RFX3: variants seen among roughly 807,000 people sequenced by gnomAD.
The protein encoded by RFX3 is transcription factor RFX3.
Under a neutral mutation model 98.6 loss-of-function variants are expected in RFX3, and 14 were observed. The ratio of observed to expected loss-of-function variants is 0.14; its 90% CI spans 0.09 to 0.22. The LOEUF is 0.22. Ranked by LOEUF, RFX3 falls within the 10% of genes least tolerant of loss-of-function variation. The probability of loss-of-function intolerance (pLI) is 1.00; values close to 1 mark genes in which losing one functional copy is unlikely to be tolerated. For synonymous variants in RFX3, 383 were observed against 328.4 expected (o/e 1.17, Z -1.80); for missense variants, 639 against 926.9 (o/e 0.69, Z 4.03).
chr9:3,394,426 G>A (rs1350557322), intron 2 of RFX3, among the ~76,000 whole-genome samples: 8 of 152,186 alleles, frequency 5.3e-5, no homozygotes, highest in Non-Finnish European at 8.8e-5. Flanking sequence ...TGATGCCACT[G>A]CACTGCAGCC....
chr9:3,515,613 C>G (rs1241167209), intron 1 of RFX3, among the ~76,000 whole-genome samples: 2 of 152,164 alleles, frequency 1.3e-5, no homozygotes, highest in African/African-American at 2.4e-5. Flanking sequence ...TTTTCCTGCC[C>G]TTCTACAGCA....
chr9:3,453,899 C>CT (rs1485994045), intron 1 of RFX3, among the ~76,000 whole-genome samples: 14 of 152,048 alleles, frequency 9.2e-5, no homozygotes, highest in Non-Finnish European at 1.9e-4. Context: ...ATACCCCGGT[C>CT]TTTTTGCTTT....
rs1175143101 is a variant in RFX3 at position 3,505,298 on chromosome 9, A to AT, written c.-9+20448dup. Reference sequence around the variant, plus strand: ...TGAATATATACATTTTTATATTTATATATATATAAATATATATTAATGTAT... The same window carrying AT: ...TGAATATATACATTTTTATATTTATATTATATATAAATATATATTAATGTAT... On this transcript the variant is annotated intron_variant, in intron 1 of 16. Transcript: ENST00000617270. Among the ~76,000 whole-genome samples, 60 of 99,734 alleles carry AT rather than the reference A, an allele frequency of 6.0e-4. 6 individuals carry two copies. Among genetic ancestry groups the AT allele is most frequent in the African/African-American group, 2.3e-3 (50 of 22,024 alleles). 65.4% of individuals were successfully genotyped at this position (99,734 alleles called of 152,430 possible). A position where few individuals can be genotyped will look rare whatever the true frequency, so the allele number is the denominator to read the frequency against.
intron 1 of RFX3, among the ~76,000 whole-genome samples, chr9:3,434,181 A>G (rs1190877251): frequency 6.6e-6 from 1 of 152,134 alleles, no homozygotes; most frequent in Non-Finnish European, 1.5e-5. Context: ...ATGAGAAGAG[A>G]GGTCCTACAT....
At chr9:3,370,335 T>C (rs1837699679) in intron 2 of RFX3, among the ~76,000 whole-genome samples, 1 of 151,612 alleles carries the variant, frequency 6.6e-6, no homozygotes, top group African/African-American at 2.4e-5. Flanking sequence ...TTGGAAATTA[T>C]AATATATTTT....
chr9:3,281,690 CTGTA>C (rs1408676905), intron 7 of RFX3, among the ~76,000 whole-genome samples: 1 of 151,882 alleles, frequency 6.6e-6, no homozygotes, highest in African/African-American at 2.4e-5. Flanking sequence ...TAATAGCTGA[CTGTA>C]TGCATAAAAC....
At chr9:3,317,392 G>A (rs1391450880) in intron 4 of RFX3, among the ~76,000 whole-genome samples, 1 of 152,164 alleles carries the variant, frequency 6.6e-6, no homozygotes, top group Non-Finnish European at 1.5e-5. Context: ...AGACTTAAAT[G>A]TTAGACCTAA....
In RFX3 at chr9:3,525,785, G is replaced by T; in HGVS notation, c.-47C>A. ...TATTGTGGTGTTGTTGGTGGGTGAT[G>T]GAGATGGTGGTGGTGGGGAGGAGGA... On this transcript the variant is annotated 5_prime_UTR_variant, in exon 1 of 17. Transcript: ENST00000617270. 1.9e-6 allele frequency: 1 copy of T among 514,360 alleles called. No individual in the cohort carries two copies. The highest frequency in any genetic ancestry group is 2.5e-6 in the Non-Finnish European group (1 of 398,848). 31.9% of individuals were successfully genotyped at this position (514,360 alleles called of 1,614,324 possible). A position where few individuals can be genotyped will look rare whatever the true frequency, so the allele number is the denominator to read the frequency against.
At chr9:3,348,648 C>T (rs1834728171) in intron 2 of RFX3, among the ~76,000 whole-genome samples, 2 of 152,016 alleles carry the variant, frequency 1.3e-5, no homozygotes, top group South Asian at 4.2e-4. Flanking sequence ...TATTACAGTA[C>T]TGAAAATGAC....
intron 14 of RFX3, among the ~76,000 whole-genome samples, chr9:3,254,147 G>A (rs931707227): frequency 6.6e-6 from 1 of 151,994 alleles, no homozygotes; most frequent in South Asian, 2.1e-4. Context: ...TACTGGGTTT[G>A]TATATCTGCA....
chr9:3,228,969 C>A, intron 15 of RFX3, 80 bp from the exon 16 acceptor site: 1 of 1,250,826 alleles, frequency 8.0e-7, no homozygotes, highest in South Asian at 1.4e-5. Flanking sequence ...AGTAAAAATG[C>A]CAATCTATGA....
At chr9:3,299,707 T>C (rs1828418848) in intron 5 of RFX3, among the ~76,000 whole-genome samples, 1 of 151,826 alleles carries the variant, frequency 6.6e-6, no homozygotes, top group Admixed American at 6.6e-5. Flanking sequence ...TTCAAACATT[T>C]ATTAATCTTA....
At chr9:3,488,789 T>C in intron 1 of RFX3, 1 of 985,296 alleles carries the variant, frequency 1.0e-6, no homozygotes, top group Non-Finnish European at 1.2e-6. Flanking sequence ...GAACCACAAG[T>C]TTGAAATGGA....
chr9:3,494,293 G>A (rs1015525661), intron 1 of RFX3, among the ~76,000 whole-genome samples: 2 of 152,132 alleles, frequency 1.3e-5, no homozygotes, highest in Non-Finnish European at 2.9e-5. Flanking sequence ...AAGCAGAGTT[G>A]TTGACCTGGA....
chr9:3,256,094 G>A (rs899294995), intron 14 of RFX3, among the ~76,000 whole-genome samples: 6 of 152,104 alleles, frequency 3.9e-5, no homozygotes, highest in Non-Finnish European at 8.8e-5. Flanking sequence ...AGCTTCCAGA[G>A]TAGCTGGGAC....
At position 3,330,252 on chromosome 9, in the gene RFX3, T is replaced by C. The variant is rs760683817; in HGVS notation, c.474+7A>G. 1.2e-6 allele frequency: 2 copies of C among 1,613,878 alleles called. No individual in the cohort carries two copies. The highest frequency in any genetic ancestry group is 3.3e-5 in the Admixed American group (2 of 59,994). ...TAAACTAAACTACTAAAAATTCAAATACTTACTGTCGCTGGGGAGGCCCGA... is the reference window on the plus strand; with the variant it reads ...TAAACTAAACTACTAAAAATTCAAACACTTACTGTCGCTGGGGAGGCCCGA... On this transcript the variant is annotated splice_region_variant and intron_variant, in intron 4 of 16. Transcript: ENST00000617270.
At chr9:3,237,462 G>A (rs1291480810) in intron 15 of RFX3, among the ~76,000 whole-genome samples, 1 of 152,168 alleles carries the variant, frequency 6.6e-6, no homozygotes, top group Non-Finnish European at 1.5e-5. Flanking sequence ...TCCAAAAAAT[G>A]ATGATCTAAT....
Position 3,332,186 on chromosome 9 carries a change from T to A in RFX3, c.216-1669A>T, listed in dbSNP as rs184763350. Among the ~76,000 whole-genome samples, 10 of 152,296 alleles carry A rather than the reference T, an allele frequency of 6.6e-5. No homozygotes were observed. The East Asian group carries it at 1.9e-3, about 29-fold the overall frequency. On this transcript the variant is annotated intron_variant, in intron 3 of 16. Transcript: ENST00000617270. ...TATTATACAGGCTGAGAATACCTTA[T>A]CAACAATGCTTGGGACCACAAGTGT...
At chr9:3,411,682 G>T (rs990180477) in intron 1 of RFX3, among the ~76,000 whole-genome samples, 7 of 151,426 alleles carry the variant, frequency 4.6e-5, no homozygotes, top group African/African-American at 1.7e-4. Context: ...GTAGAGAGGG[G>T]ATTTCACCAT....
Sources: allele counts gnomAD v4.1 joint callset (sites outside exome capture counted in the v4.1 genomes callset), GRCh38; gene constraint gnomAD v4.1.1; transcripts MANE v1.5; gene names NCBI Gene and HGNC (gene_info 2026-07-23, HGNC 2026-07-21).